The following IL16 variants were observed in gnomAD, a reference collection of about 807,000 sequenced individuals.
IL16 encodes the protein interleukin 16.
Under a neutral mutation model 110.1 loss-of-function variants are expected in IL16, and 67 were observed. The ratio of observed to expected loss-of-function variants is 0.61; its 90% CI spans 0.50 to 0.75. The LOEUF (loss-of-function observed/expected upper bound fraction) is 0.75. IL16 is among the 30% of genes least tolerant of loss of function. IL16 has a pLI of 0.00. For synonymous variants in IL16, 689 were observed against 662.9 expected, an observed-to-expected ratio of 1.04 and a Z score of -0.61; for missense variants, 1,545 against 1,655.0, an observed-to-expected ratio of 0.93 and a Z score of 1.15.
At position 81,303,816 on chromosome 15, in the gene IL16, G is replaced by A. The variant is rs764933796; in HGVS notation, c.3420+166G>A. Among the ~76,000 whole-genome samples the A allele has an allele frequency of 5.3e-5, 8 of 152,356 alleles. No homozygotes were observed. The highest frequency in any genetic ancestry group is 1.9e-4 in the East Asian group (1 of 5,186). Reference sequence around the variant, plus strand: ...AGCACATCCCAGAGCCTGGGGCTGCGTGGAGAGGGTAGCAGGCCTGGCCAT... The same window carrying A: ...AGCACATCCCAGAGCCTGGGGCTGCATGGAGAGGGTAGCAGGCCTGGCCAT... On this transcript the variant is annotated intron_variant, in intron 16 of 18. Coordinates refer to ENST00000683961, the MANE Select transcript of IL16 (RefSeq NM_172217.5). This position sits in a 1 kb window ranked among gnomAD's most constrained non-coding sequence, Gnocchi z 4.1.
At chr15:81,237,832 T>C (rs1287283213) in intron 2 of IL16, among the ~76,000 whole-genome samples, 1 of 151,952 alleles carries the variant, frequency 6.6e-6, no homozygotes, top group East Asian at 1.9e-4. Context: ...ATGGATGGCA[T>C]ATAATTGGGT....
In IL16 at chr15:81,292,674, C is replaced by T. The variant is rs768779340; in HGVS notation, c.1539C>T (p.Asp513=). The change falls in exon 12 of 19, where the codon GAC becomes GAT. Residue 513 remains aspartate, a synonymous_variant. Transcript: ENST00000683961. ...AQKVMIRSSS[D]SSYMSGSPGG... The stretch of plus-strand genomic sequence containing the variant: ...AGGTCATGATCCGCTCCAGCAGTGA[C>T]AGCAGCTACATGTCTGGGTCCCCAG... 24 of 1,614,158 alleles carry T rather than the reference C, an allele frequency of 1.5e-5. No homozygotes were observed. The highest frequency in any genetic ancestry group is 2.0e-5 in the Non-Finnish European group (24 of 1,180,026).
intron 2 of IL16, among the ~76,000 whole-genome samples, chr15:81,225,932 C>A (rs1211749687): frequency 6.6e-6 from 1 of 152,154 alleles, no homozygotes; most frequent in Non-Finnish European, 1.5e-5. Flanking sequence ...TTCAGGGAAG[C>A]ACTATGTCAC....
In IL16 at chr15:81,219,862, C is replaced by CA. The variant is rs568289805; in HGVS notation, c.-101-5436dup. Among the ~76,000 whole-genome samples, 402 of 152,306 alleles carry CA rather than the reference C, an allele frequency of 2.6e-3. 1 individual carries two copies. Among genetic ancestry groups the CA allele is most frequent in the African/African-American group, 9.2e-3 (384 of 41,574 alleles). ...GCCTCTGAAACACTCATCTGCCGTTCATTCACTGAACATGCAAATGCCCCT... is the reference window on the plus strand; with the variant it reads ...GCCTCTGAAACACTCATCTGCCGTTCAATTCACTGAACATGCAAATGCCCCT... On this transcript the variant is annotated intron_variant, in intron 1 of 18. Transcript: ENST00000683961.
intron 2 of IL16, among the ~76,000 whole-genome samples, chr15:81,245,197 G>T (rs1490459768): frequency 6.6e-6 from 1 of 152,132 alleles, no homozygotes; most frequent in Non-Finnish European, 1.5e-5. Flanking sequence ...TATTTCTGGG[G>T]TTTGGTATGA....
At chr15:81,216,810 A>G (rs1896451210) in intron 1 of IL16, among the ~76,000 whole-genome samples, 1 of 151,992 alleles carries the variant, frequency 6.6e-6, no homozygotes, top group Admixed American at 6.5e-5. Context: ...AGCCCTCCTT[A>G]CAGCCTTGCA....
At chr15:81,237,160 C>T (rs572508720) in intron 2 of IL16, among the ~76,000 whole-genome samples, 2 of 152,282 alleles carry the variant, frequency 1.3e-5, no homozygotes, top group Non-Finnish European at 2.9e-5. Context: ...TCTTTATGAA[C>T]CCAAGTTTTA....
chr15:81,243,575 A>T lies in IL16; in HGVS notation c.313-16197A>T, dbSNP rs962294681. On this transcript the variant is annotated intron_variant, in intron 2 of 18. Transcript: ENST00000683961. ...TTGGTACCAAGATAATATTAGCTTA[A>T]TAAGATGAATTGGGATGTATTTTCT... 2.0e-5 allele frequency among the ~76,000 whole-genome samples: 3 copies of T among 152,226 alleles called. No individual in the cohort carries two copies. In the South Asian group the frequency reaches 6.2e-4, roughly 32 times the overall value.
intron 1 of IL16, among the ~76,000 whole-genome samples, chr15:81,186,754 T>A (rs184593289): frequency 5.9e-4 from 90 of 152,358 alleles, no homozygotes; most frequent in Admixed American, 1.1e-3. Context: ...TTTTAGTATA[T>A]TTGCTTTATC....
At chr15:81,238,319 T>C (rs1897240720) in intron 2 of IL16, among the ~76,000 whole-genome samples, 1 of 152,244 alleles carries the variant, frequency 6.6e-6, no homozygotes, top group Non-Finnish European at 1.5e-5. Context: ...CTTTATTTCT[T>C]GTTCCTCCAT....
rs57484982 is a variant in IL16, at chr15:81,247,076, C to CTTTTTTTTTTTTTTTTT, written c.313-12692_313-12676dup. Among the ~76,000 whole-genome samples the CTTTTTTTTTTTTTTTTT allele has an allele frequency of 2.4e-4, 22 of 92,636 alleles. 1 individual carries two copies. Among genetic ancestry groups the CTTTTTTTTTTTTTTTTT allele is most frequent in the African/African-American group, 7.2e-4 (15 of 20,756 alleles). 60.8% of individuals were successfully genotyped at this position (92,636 alleles called of 152,430 possible). A position where few individuals can be genotyped will look rare whatever the true frequency, so the allele number is the denominator to read the frequency against. On this transcript the variant is annotated intron_variant, in intron 2 of 18. Transcript: ENST00000683961. ...TTTGTGTTTTCTTTCTTTTCTTTTC[C>CTTTTTTTTTTTTTTTTT]TTTTTTTTTTTTTTTTTTTTGATCT...
intron 6 of IL16, among the ~76,000 whole-genome samples, chr15:81,274,614 T>C (rs1898812876): frequency 6.6e-6 from 1 of 152,220 alleles, no homozygotes; most frequent in African/African-American, 2.4e-5. Flanking sequence ...TATTTATATC[T>C]GAGTTGCTTG....
chr15:81,294,458 T>C (rs1365762081), intron 12 of IL16, among the ~76,000 whole-genome samples: 1 of 152,202 alleles, frequency 6.6e-6, no homozygotes, highest in Non-Finnish European at 1.5e-5. Context: ...GTGATGCCCT[T>C]GGCAGAGCCA....
intron 11 of IL16, 175 bp from the exon 12 acceptor site, chr15:81,292,381 A>G (rs1464151446): frequency 2.2e-6 from 2 of 911,684 alleles, no homozygotes; most frequent in Admixed American, 3.8e-5. Flanking sequence ...CCAAAGTCAT[A>G]CAGCTCGCCA....
In IL16 at chr15:81,267,505, C is replaced by CACACAG. The variant is rs1555420217; in HGVS notation, c.564+1705_564+1706insCACAGA. On this transcript the variant is annotated intron_variant, in intron 4 of 18. Coordinates refer to ENST00000683961, the MANE Select transcript of IL16 (RefSeq NM_172217.5). ...ACACACACACACACACACACACACACAGAGAGAGCGAGAGACTGATCATAA... is the reference window on the plus strand; with the variant it reads ...ACACACACACACACACACACACACACACACAGAGAGAGAGCGAGAGACTGATCATAA... Among the ~76,000 whole-genome samples the CACACAG allele has an allele frequency of 1.6e-3, 218 of 136,314 alleles. 1 individual carries two copies. Among genetic ancestry groups the CACACAG allele is most frequent in the African/African-American group, 6.6e-3 (183 of 27,702 alleles). The allele number at this position is 136,314 out of a possible 152,430, so 89.4% of individuals were successfully genotyped here. A position where few individuals can be genotyped will look rare whatever the true frequency, so the allele number is the denominator to read the frequency against.
intron 2 of IL16, among the ~76,000 whole-genome samples, chr15:81,237,590 T>C (rs962801234): frequency 6.6e-6 from 1 of 152,188 alleles, no homozygotes; most frequent in African/African-American, 2.4e-5. Context: ...CCGTTAACTT[T>C]GAGATTATTT....
chr15:81,274,165 C>G (rs775653909), intron 6 of IL16, among the ~76,000 whole-genome samples: 40 of 152,324 alleles, frequency 2.6e-4, no homozygotes, highest in Admixed American at 8.5e-4. Flanking sequence ...GGGAGCCTAA[C>G]CACCTTTAAT....
In IL16 at chr15:81,191,541, T is replaced by C. The variant is rs574150152; in HGVS notation, c.40+8645T>C. The stretch of plus-strand genomic sequence containing the variant: ...CCCCACAGTGAACAGGCTGATGAGG[T>C]CCCTGTGTGGGACCTAGATGGGGCG... On this transcript the variant is annotated intron_variant, in intron 1 of 18. Coordinates refer to the IL16 transcript ENST00000302987. Among the ~76,000 whole-genome samples, 3 of 152,140 alleles carry C rather than the reference T, an allele frequency of 2.0e-5. No individual in the cohort carries two copies. The East Asian group carries it at 5.8e-4, about 29-fold the overall frequency.
intron 1 of IL16, among the ~76,000 whole-genome samples, chr15:81,214,641 T>A (rs1434821884): frequency 6.6e-6 from 1 of 152,158 alleles, no homozygotes; most frequent in African/African-American, 2.4e-5. Context: ...CAGGGTTCTC[T>A]ATATTTCTCA....
Sources: allele counts gnomAD v4.1 joint callset (sites outside exome capture counted in the v4.1 genomes callset), GRCh38; gene constraint gnomAD v4.1.1; non-coding constraint Gnocchi (gnomAD v3.1); transcripts MANE v1.5; gene names NCBI Gene and HGNC (gene_info 2026-07-23, HGNC 2026-07-21).